Variants in ABLIM2 observed in about 807,000 individuals in gnomAD.
ABLIM2 encodes actin binding LIM protein family member 2, also known as actin-binding LIM protein 2.
In ABLIM2, 53 loss-of-function variants were observed where a neutral mutation model predicts 97.7. That is an observed-to-expected ratio of 0.54 (90% CI 0.44 to 0.68). The LOEUF (loss-of-function observed/expected upper bound fraction) is 0.68, where lower values mean the gene tolerates loss of function less well. Ranked by LOEUF, ABLIM2 falls within the 30% of genes least tolerant of loss-of-function variation. ABLIM2 has a pLI of 0.00. For synonymous variants in ABLIM2, 361 were observed against 345.8 expected, an observed-to-expected ratio of 1.04 and a Z score of -0.49; for missense variants, 835 against 867.2, an observed-to-expected ratio of 0.96 and a Z score of 0.47.
rs534373480 is a variant in ABLIM2 at position 8,002,030 on chromosome 4, A to C, written c.1618+6029T>G. On this transcript the variant is annotated intron_variant, in intron 16 of 20. Transcript: ENST00000447017. The surrounding 1 kb of genome is among the most constrained non-coding windows in gnomAD (Gnocchi z 6.1). ...TAGGCTGGGGGCCAGGCAGGAGATC[A>C]CACCTGATTTGAGTCTCAGACCCTC... Among the ~76,000 whole-genome samples the C allele has an allele frequency of 3.3e-5, 5 of 152,296 alleles. No homozygotes were observed. The highest frequency in any genetic ancestry group is 9.6e-5 in the African/African-American group (4 of 41,566).
chr4:8,032,736 G>C lies in ABLIM2; in HGVS notation c.1048-2960C>G. On this transcript the variant is annotated intron_variant, in intron 10 of 20. Transcript: ENST00000447017. This position sits in a 1 kb window ranked among gnomAD's most constrained non-coding sequence, Gnocchi z 4.3. ...GTGCTGGCGCCAGGCAGAGAGGGAG[G>C]AGGGCAGTTCCGTGACTGGCAGGCA... 6.2e-7 allele frequency: 1 copy of C among 1,602,456 alleles called. No individual in the cohort carries two copies. The highest frequency in any genetic ancestry group is 1.1e-5 in the South Asian group (1 of 90,728).
rs1755415340 is a variant in ABLIM2 at position 7,999,154 on chromosome 4, G to A, written c.1619-6227C>T. Reference sequence around the variant, plus strand: ...GATCTTGGCTCACTGCAACCTCCTGGGTTCAAGCGATTCTCCTGCCTCAGC... The same window carrying A: ...GATCTTGGCTCACTGCAACCTCCTGAGTTCAAGCGATTCTCCTGCCTCAGC... On this transcript the variant is annotated intron_variant, in intron 16 of 20. Coordinates refer to ENST00000447017, the MANE Select transcript of ABLIM2 (RefSeq NM_001130083.2). The surrounding 1 kb of genome is among the most constrained non-coding windows in gnomAD (Gnocchi z 4.4). 6.6e-6 allele frequency among the ~76,000 whole-genome samples: 1 copy of A among 152,118 alleles called. No individual in the cohort carries two copies. Among genetic ancestry groups the A allele is most frequent in the African/African-American group, 2.4e-5 (1 of 41,424 alleles).
chr4:8,034,081 T>C (rs1246141183), intron 10 of ABLIM2, among the ~76,000 whole-genome samples: 1 of 152,082 alleles, frequency 6.6e-6, no homozygotes, highest in Non-Finnish European at 1.5e-5. Context: ...GCTGAGAAAA[T>C]AGCCAGCACA....
chr4:8,116,409 G>A (rs950701220), intron 1 of ABLIM2, among the ~76,000 whole-genome samples: 5 of 152,078 alleles, frequency 3.3e-5, no homozygotes, highest in African/African-American at 7.2e-5. Context: ...CTCACTCTCC[G>A]ATCCCACTTC....
At chr4:8,066,456 G>A (rs1372109314) in intron 6 of ABLIM2, 1 of 151,414 alleles carries the variant, frequency 6.6e-6, no homozygotes, top group Non-Finnish European at 1.5e-5. Flanking sequence ...ATAAAAACCT[G>A]TACATGATGT....
chr4:7,969,943 G>A (rs1450879574), intron 20 of ABLIM2, among the ~76,000 whole-genome samples: 1 of 152,136 alleles, frequency 6.6e-6, no homozygotes, highest in African/African-American at 2.4e-5. Flanking sequence ...ACTTAGAATT[G>A]TCATTTCAGA....
At chr4:7,967,886 G>A (rs1330189150) in intron 20 of ABLIM2, among the ~76,000 whole-genome samples, 8 of 152,222 alleles carry the variant, frequency 5.3e-5, no homozygotes, top group Non-Finnish European at 1.2e-4. Flanking sequence ...CGTGGGTGCT[G>A]GCTGCATGTG....
chr4:8,093,063 G>A (rs906127212), intron 3 of ABLIM2, among the ~76,000 whole-genome samples: 3 of 152,014 alleles, frequency 2.0e-5, no homozygotes, highest in African/African-American at 7.3e-5. Flanking sequence ...TGGCCAGGCT[G>A]GTCTCAAACT....
intron 1 of ABLIM2, among the ~76,000 whole-genome samples, chr4:8,146,227 C>T (rs907198104): frequency 6.6e-6 from 1 of 152,194 alleles, no homozygotes. Context: ...GGGCAGTCCT[C>T]AGGACCTCAC....
At chr4:7,976,968 TAC>T (rs528668327) in intron 20 of ABLIM2, among the ~76,000 whole-genome samples, 5 of 151,864 alleles carry the variant, frequency 3.3e-5, no homozygotes, top group African/African-American at 9.7e-5. Flanking sequence ...GTCACGTGTA[TAC>T]ACACACACAC....
intron 10 of ABLIM2, among the ~76,000 whole-genome samples, chr4:8,035,710 C>G (rs1442154209): frequency 6.6e-6 from 1 of 152,238 alleles, no homozygotes. Context: ...GTTACATTGG[C>G]TCATGAATTC....
At chr4:8,045,512 G>A (rs1275839205) in intron 8 of ABLIM2, among the ~76,000 whole-genome samples, 1 of 152,186 alleles carries the variant, frequency 6.6e-6, no homozygotes, top group Admixed American at 6.5e-5. Context: ...AGCCGGGTGT[G>A]GTGGCGGGCA....
intron 2 of ABLIM2, among the ~76,000 whole-genome samples, chr4:8,103,263 C>T (rs1835559606): frequency 6.6e-6 from 1 of 152,204 alleles, no homozygotes; most frequent in African/African-American, 2.4e-5. Context: ...AAAGCACCCT[C>T]AATGATTCAT....
Position 8,072,171 on chromosome 4 carries a change from A to T in ABLIM2, c.675+5457T>A, listed in dbSNP as rs1417432698. Among the ~76,000 whole-genome samples the T allele has an allele frequency of 2.0e-5, 3 of 152,046 alleles. No homozygotes were observed. Among genetic ancestry groups the T allele is most frequent in the Admixed American group, 6.5e-5 (1 of 15,270 alleles). ...CTCCACAGCAGAGGAGGAGGAAAAA[A>T]CCCAGACCTGTTTTGCTCCTGTTCC... is the stretch of plus-strand genomic sequence containing the variant. On this transcript the variant is annotated intron_variant, in intron 6 of 20. Transcript: ENST00000447017. This position sits in a 1 kb window ranked among gnomAD's most constrained non-coding sequence, Gnocchi z 5.8.
rs1184990676 is a variant in ABLIM2 at position 7,970,281 on chromosome 4, T to C, written c.1825-3178A>G. Among the ~76,000 whole-genome samples, 1 of 152,042 alleles carries C rather than the reference T, an allele frequency of 6.6e-6. No individual in the cohort carries two copies. Among genetic ancestry groups the C allele is most frequent in the African/African-American group, 2.4e-5 (1 of 41,418 alleles). On this transcript the variant is annotated intron_variant, in intron 20 of 20. Coordinates refer to ENST00000447017, the MANE Select transcript of ABLIM2 (RefSeq NM_001130083.2). This position sits in a 1 kb window ranked among gnomAD's most constrained non-coding sequence, Gnocchi z 5.3. ...TGCTGGTGCCTGGGGCAGGCCTCCC[T>C]GTGGCCACATTCCTGCTTCCTGCTG...
At chr4:8,144,418 A>G (rs905541619) in intron 1 of ABLIM2, among the ~76,000 whole-genome samples, 7 of 152,286 alleles carry the variant, frequency 4.6e-5, no homozygotes, top group Middle Eastern at 3.4e-3. Context: ...GACTTGTTCT[A>G]TTTGAAAGGC....
chr4:8,104,161 G>T (rs1836032296), intron 2 of ABLIM2, among the ~76,000 whole-genome samples: 1 of 152,230 alleles, frequency 6.6e-6, no homozygotes, highest in Admixed American at 6.5e-5. Context: ...GGATCCCGAG[G>T]CTCAGGAAGG....
intron 3 of ABLIM2, among the ~76,000 whole-genome samples, chr4:8,089,714 A>T (rs1298015747): frequency 7.3e-6 from 1 of 136,074 alleles, no homozygotes; most frequent in Non-Finnish European, 1.5e-5. Context: ...AGGCTGGGCC[A>T]AAGAGTGAGA....
intron 6 of ABLIM2, among the ~76,000 whole-genome samples, chr4:8,062,630 G>A (rs182616780): frequency 1.3e-5 from 2 of 151,774 alleles, no homozygotes; most frequent in African/African-American, 4.8e-5. Context: ...TAGTAGAGAC[G>A]GGGTTTCACT....
Sources: allele counts gnomAD v4.1 joint callset (sites outside exome capture counted in the v4.1 genomes callset), GRCh38; gene constraint gnomAD v4.1.1; non-coding constraint Gnocchi (gnomAD v3.1); transcripts MANE v1.5; gene names NCBI Gene and HGNC (gene_info 2026-07-23, HGNC 2026-07-21).